VWC2L: variants seen among roughly 807,000 people sequenced by gnomAD.
VWC2L encodes the protein von Willebrand factor C domain-containing protein 2-like.
In VWC2L, 10 loss-of-function variants were observed where a neutral mutation model predicts 21.6. The ratio of observed to expected loss-of-function variants is 0.46; its 90% CI spans 0.29 to 0.78. The LOEUF (loss-of-function observed/expected upper bound fraction) is 0.78, where lower values mean the gene tolerates loss of function less well. Ranked by LOEUF, VWC2L falls within the 30% of genes least tolerant of loss-of-function variation. The pLI is 0.10. For missense variants in VWC2L, 209 were observed against 277.1 expected (o/e 0.75, Z 1.74); for synonymous variants, 96 against 94.3 (o/e 1.02, Z -0.10).
chr2:214,431,122 C>T lies in VWC2L; in HGVS notation c.391-5507C>T, dbSNP rs1235629049. 6.6e-5 allele frequency among the ~76,000 whole-genome samples: 10 copies of T among 152,268 alleles called. No homozygotes were observed. The East Asian group carries it at 1.2e-3, about 18-fold the overall frequency. On this transcript the variant is annotated intron_variant, in intron 2 of 3. Coordinates refer to ENST00000312504, the MANE Select transcript of VWC2L (RefSeq NM_001080500.4). ...CCTGTTGCATGCAAATTACCGGCTACGGGAGTGGCAGTGGATGCTAAATAC... is the reference window on the plus strand; with the variant it reads ...CCTGTTGCATGCAAATTACCGGCTATGGGAGTGGCAGTGGATGCTAAATAC...
chr2:214,573,169 C>A (rs936759349), intron 3 of VWC2L, among the ~76,000 whole-genome samples: 3 of 152,048 alleles, frequency 2.0e-5, no homozygotes, highest in African/African-American at 7.2e-5. Context: ...TTCCTCCCTG[C>A]CTGTTTCTCT....
At chr2:214,536,012 T>C (rs1375288637) in intron 3 of VWC2L, among the ~76,000 whole-genome samples, 3 of 152,088 alleles carry the variant, frequency 2.0e-5, no homozygotes, top group Non-Finnish European at 4.4e-5. Flanking sequence ...CATCTCTTTT[T>C]GGCACAGGGG....
intron 3 of VWC2L, among the ~76,000 whole-genome samples, chr2:214,519,961 C>A (rs1259607869): frequency 6.6e-6 from 1 of 151,750 alleles, no homozygotes. Context: ...TAAGATGGCT[C>A]CACAAAAATA....
intron 2 of VWC2L, among the ~76,000 whole-genome samples, chr2:214,416,947 A>G (rs965323483): frequency 2.6e-5 from 4 of 152,154 alleles, no homozygotes; most frequent in African/African-American, 4.8e-5. Context: ...AAATTCCTCT[A>G]TGGCTTTGCC....
At chr2:214,532,584 G>A (rs1689454218) in intron 3 of VWC2L, among the ~76,000 whole-genome samples, 1 of 152,064 alleles carries the variant, frequency 6.6e-6, no homozygotes, top group Non-Finnish European at 1.5e-5. Flanking sequence ...AAGAAGAAGG[G>A]CTAATATCCC....
chr2:214,519,015 G>A (rs1052213035), intron 3 of VWC2L, among the ~76,000 whole-genome samples: 2 of 152,090 alleles, frequency 1.3e-5, no homozygotes, highest in African/African-American at 4.8e-5. Flanking sequence ...GAAAAGACTT[G>A]ACTGCAATGA....
rs142245857 is a variant in VWC2L, at chr2:214,511,529, G to A, written c.521-64143G>A. 6.9e-3 allele frequency among the ~76,000 whole-genome samples: 1,053 copies of A among 152,234 alleles called. 14 individuals carry two copies. Among genetic ancestry groups the A allele is most frequent in the South Asian group, 0.03 (143 of 4,820 alleles). ...TTCTCCTTCTTATTTACTCTCTGCC[G>A]TGTGAATACTCAGGAAGAGGATGCC... On this transcript the variant is annotated intron_variant, in intron 3 of 3. Coordinates refer to ENST00000312504, the MANE Select transcript of VWC2L (RefSeq NM_001080500.4).
At chr2:214,516,233 C>T (rs1689140965) in intron 3 of VWC2L, among the ~76,000 whole-genome samples, 1 of 152,084 alleles carries the variant, frequency 6.6e-6, no homozygotes. Context: ...TTGATCAACA[C>T]ATCACTCTTC....
chr2:214,437,251 A>G (rs1256033914), intron 3 of VWC2L, among the ~76,000 whole-genome samples: 1 of 152,212 alleles, frequency 6.6e-6, no homozygotes, highest in East Asian at 1.9e-4. Flanking sequence ...GAAGTAATAA[A>G]GATTAAAAAG....
chr2:214,522,961 G>A (rs924464140), intron 3 of VWC2L, among the ~76,000 whole-genome samples: 3 of 152,154 alleles, frequency 2.0e-5, no homozygotes, highest in African/African-American at 7.2e-5. Context: ...AGAACATGTT[G>A]CTTGTTTATA....
At chr2:214,544,954 C>A (rs61055709) in intron 3 of VWC2L, among the ~76,000 whole-genome samples, 40,165 of 151,982 alleles carry the variant, frequency 0.26, 5,383 homozygotes, top group Middle Eastern at 0.36. Flanking sequence ...CAAATTTACT[C>A]TGCTATGTTG....
At chr2:214,477,429 A>C (rs986809149) in intron 3 of VWC2L, among the ~76,000 whole-genome samples, 3 of 152,160 alleles carry the variant, frequency 2.0e-5, no homozygotes, top group Non-Finnish European at 4.4e-5. Flanking sequence ...AATCTGTGGT[A>C]GGAGATTTAC....
intron 3 of VWC2L, among the ~76,000 whole-genome samples, chr2:214,535,987 T>G (rs964464561): frequency 6.6e-6 from 1 of 152,050 alleles, no homozygotes; most frequent in Non-Finnish European, 1.5e-5. Context: ...TTACACCCAT[T>G]TAAATTTCCT....
chr2:214,485,546 T>C (rs1448993294), intron 3 of VWC2L, among the ~76,000 whole-genome samples: 1 of 152,210 alleles, frequency 6.6e-6, no homozygotes, highest in African/African-American at 2.4e-5. Flanking sequence ...AGATGAAGGC[T>C]GACATACGAA....
chr2:214,455,464 A>G (rs1703042296), intron 3 of VWC2L, among the ~76,000 whole-genome samples: 1 of 152,178 alleles, frequency 6.6e-6, no homozygotes, highest in South Asian at 2.1e-4. Context: ...TATATTGTCA[A>G]ATGCATGGAA....
intron 3 of VWC2L, among the ~76,000 whole-genome samples, chr2:214,542,481 C>G (rs1042748833): frequency 6.6e-6 from 1 of 152,190 alleles, no homozygotes; most frequent in Non-Finnish European, 1.5e-5. Flanking sequence ...GCTTCTCCTG[C>G]TGCTGCCTGG....
intron 3 of VWC2L, among the ~76,000 whole-genome samples, chr2:214,444,072 T>C (rs1418764798): frequency 6.6e-6 from 1 of 151,916 alleles, no homozygotes; most frequent in South Asian, 2.1e-4. Context: ...AAAGAAAAAT[T>C]TGGCACTAGT....
intron 3 of VWC2L, among the ~76,000 whole-genome samples, chr2:214,520,689 A>T (rs916425867): frequency 1.3e-5 from 2 of 152,164 alleles, no homozygotes; most frequent in East Asian, 1.9e-4. Flanking sequence ...ATCTTTTATC[A>T]TCATTGCCAA....
chr2:214,455,993 T>G (rs1465927408), intron 3 of VWC2L, among the ~76,000 whole-genome samples: 2 of 152,190 alleles, frequency 1.3e-5, no homozygotes, highest in African/African-American at 4.8e-5. Flanking sequence ...AGTGCTACAG[T>G]AAACACGGCA....
Sources: allele counts gnomAD v4.1 joint callset (sites outside exome capture counted in the v4.1 genomes callset), GRCh38; gene constraint gnomAD v4.1.1; transcripts MANE v1.5; gene names NCBI Gene and HGNC (gene_info 2026-07-23, HGNC 2026-07-21).